The following HPSE2 variants were observed in gnomAD, a reference collection of about 807,000 sequenced individuals.
The protein encoded by HPSE2 is heparanase 2 (inactive), also known as inactive heparanase-2.
In HPSE2, 38 loss-of-function variants were observed where a neutral mutation model predicts 60.5. That is an observed-to-expected ratio of 0.63 (90% CI 0.48 to 0.82). The LOEUF is 0.82. HPSE2 is among the 40% of genes least tolerant of loss of function. HPSE2 has a pLI of 0.00. For missense variants in HPSE2, 713 were observed against 740.4 expected (o/e 0.96, Z 0.43); for synonymous variants, 295 against 293.2 (o/e 1.01, Z -0.06).
At chr10:99,239,018 G>C (rs549492191), upstream of HPSE2, among the ~76,000 whole-genome samples, 4 of 151,992 alleles carry the variant, frequency 2.6e-5, no homozygotes, top group Admixed American at 1.3e-4. Flanking sequence ...AATTAGCTGG[G>C]CATGGTGGTG....
At chr10:99,102,079 A>T (rs561381817) in intron 3 of HPSE2, among the ~76,000 whole-genome samples, 1 of 152,358 alleles carries the variant, frequency 6.6e-6, no homozygotes, top group Non-Finnish European at 1.5e-5. Context: ...GAACTAGAGA[A>T]GCAAGAGCAA....
At chr10:98,888,134 A>AC (rs1491208206) in intron 3 of HPSE2, among the ~76,000 whole-genome samples, 40 of 99,698 alleles carry the variant, frequency 4.0e-4, no homozygotes, top group African/African-American at 1.5e-3. Flanking sequence ...GTTTTAAAAC[A>AC]AACACACACA....
chr10:99,227,756 C>T (rs758058381), intron 2 of HPSE2, among the ~76,000 whole-genome samples: 28 of 149,678 alleles, frequency 1.9e-4, no homozygotes, highest in East Asian at 1.9e-4. Flanking sequence ...TAATTAGATA[C>T]GGTGTCTTCC....
intron 11 of HPSE2, among the ~76,000 whole-genome samples, chr10:98,463,262 CACCCAGCTCCAGCT>C (rs1344864032): frequency 6.6e-6 from 1 of 152,152 alleles, no homozygotes; most frequent in African/African-American, 2.4e-5. Context: ...TGAACAATGA[CACCCAGCTCCAGCT>C]ACCTCTCCAG....
rs1035743988 is a variant in HPSE2, at chr10:98,934,750, G to T, written c.611-190694C>A. On this transcript the variant is annotated intron_variant, in intron 3 of 11. Coordinates refer to ENST00000370552, the MANE Select transcript of HPSE2 (RefSeq NM_021828.5). ...TGACCTTGGAGAATCTGATGATTAT[G>T]TGCCTTGGGGCAGATCTTTTTGTGG... Among the ~76,000 whole-genome samples, 16 of 143,416 alleles carry T rather than the reference G, an allele frequency of 1.1e-4. 2 individuals are homozygous for T. Among genetic ancestry groups the T allele is most frequent in the African/African-American group, 4.3e-4 (15 of 35,026 alleles). The allele number at this position is 143,416 out of a possible 152,430, so 94.1% of individuals were successfully genotyped here. A position where few individuals can be genotyped will look rare whatever the true frequency, so the allele number is the denominator to read the frequency against.
chr10:98,602,037 G>T (rs1430644375), intron 9 of HPSE2, among the ~76,000 whole-genome samples: 1 of 152,200 alleles, frequency 6.6e-6, no homozygotes, highest in African/African-American at 2.4e-5. Flanking sequence ...GGCTTTGCAG[G>T]TCGGGTTGGG....
At chr10:98,713,933 C>G (rs1430454363) in intron 5 of HPSE2, among the ~76,000 whole-genome samples, 1 of 151,812 alleles carries the variant, frequency 6.6e-6, no homozygotes, top group African/African-American at 2.4e-5. Flanking sequence ...GGATATCACC[C>G]CTCACATATG....
chr10:99,241,767 AT>A, the HPSE2 span, among the ~76,000 whole-genome samples: 3 of 152,208 alleles, frequency 2.0e-5, no homozygotes, highest in African/African-American at 7.2e-5. Flanking sequence ...TCTCAAAAAA[AT>A]AAAAAAAATT....
chr10:98,665,497 T>C (rs551495), intron 6 of HPSE2, among the ~76,000 whole-genome samples: 105,976 of 152,038 alleles, frequency 0.7, 39,874 homozygotes, highest in South Asian at 0.93. Flanking sequence ...AGATTCACCA[T>C]GGTAAATGAA....
intron 3 of HPSE2, among the ~76,000 whole-genome samples, chr10:99,017,031 G>C (rs557674932): frequency 2.0e-5 from 3 of 151,896 alleles, no homozygotes; most frequent in African/African-American, 7.2e-5. Flanking sequence ...TCTTTTTCTT[G>C]CCTGATTGTC....
At chr10:98,702,679 A>G (rs376004142) in intron 5 of HPSE2, among the ~76,000 whole-genome samples, 1 of 152,360 alleles carries the variant, frequency 6.6e-6, no homozygotes, top group East Asian at 1.9e-4. Context: ...CTGCTCCTGA[A>G]TGACTCCTGA....
chr10:98,996,430 G>A (rs1956643516), intron 3 of HPSE2, among the ~76,000 whole-genome samples: 1 of 152,090 alleles, frequency 6.6e-6, no homozygotes, highest in Admixed American at 6.6e-5. Flanking sequence ...AAATAGTTTG[G>A]CAGTTTCTTA....
At chr10:99,178,335 G>A (rs1411321687) in intron 2 of HPSE2, among the ~76,000 whole-genome samples, 2 of 151,786 alleles carry the variant, frequency 1.3e-5, no homozygotes, top group Non-Finnish European at 1.5e-5. Flanking sequence ...CCAGGAGCTG[G>A]TTTTTTGAAA....
the HPSE2 span, among the ~76,000 whole-genome samples, chr10:99,252,503 TC>T: frequency 3.3e-5 from 5 of 152,072 alleles, no homozygotes; most frequent in Admixed American, 6.6e-5. Context: ...TGTACAAAAA[TC>T]AGTAGTATTT....
intron 11 of HPSE2, among the ~76,000 whole-genome samples, chr10:98,480,092 C>CAT (rs1265838529): frequency 2.0e-3 from 229 of 116,294 alleles, no homozygotes; most frequent in Non-Finnish European, 3.1e-3. Flanking sequence ...CCCTCTCCTA[C>CAT]ATTTTTTTTT....
intron 11 of HPSE2, among the ~76,000 whole-genome samples, chr10:98,468,285 G>C (rs1364836248): frequency 6.6e-6 from 1 of 152,210 alleles, no homozygotes; most frequent in East Asian, 1.9e-4. Flanking sequence ...CTGCTCAGAA[G>C]TGGCCCCTGC....
chr10:98,626,835 C>CA (rs1211888633), intron 7 of HPSE2, among the ~76,000 whole-genome samples: 1 of 151,862 alleles, frequency 6.6e-6, no homozygotes, highest in East Asian at 1.9e-4. Flanking sequence ...TGCACTGGTG[C>CA]AATCTCGGCT....
At position 98,547,360 on chromosome 10, in the gene HPSE2, G is replaced by A. The variant is rs900183811; in HGVS notation, c.1321-57164C>T. On this transcript the variant is annotated intron_variant, in intron 9 of 11. Coordinates refer to ENST00000370552, the MANE Select transcript of HPSE2 (RefSeq NM_021828.5). ...GCTATAAAGACACATGCACACGTAT[G>A]TTTATGGCGCCATTATTCACAATAG... Among the ~76,000 whole-genome samples, 543 of 149,906 alleles carry A rather than the reference G, an allele frequency of 3.6e-3. 3 individuals are homozygous for A. Among genetic ancestry groups the A allele is most frequent in the Non-Finnish European group, 6.4e-3 (430 of 67,634 alleles).
intron 9 of HPSE2, among the ~76,000 whole-genome samples, chr10:98,533,149 G>A (rs541598156): frequency 9.3e-4 from 141 of 152,300 alleles, no homozygotes; most frequent in Non-Finnish European, 1.5e-3. Context: ...GCTGAAGTTT[G>A]GCCTTGACTG....
Sources: allele counts gnomAD v4.1 joint callset (sites outside exome capture counted in the v4.1 genomes callset), GRCh38; gene constraint gnomAD v4.1.1; transcripts MANE v1.5; gene names NCBI Gene and HGNC (gene_info 2026-07-23, HGNC 2026-07-21).